Variants in SIRT5 observed in about 807,000 individuals in gnomAD.
The protein encoded by SIRT5 is sirtuin 5.
Under a neutral mutation model 40.0 loss-of-function variants are expected in SIRT5, and 26 were observed. The ratio of observed to expected loss-of-function variants is 0.65; its 90% confidence interval spans 0.48 to 0.90. The LOEUF (loss-of-function observed/expected upper bound fraction) is 0.90. Ranked by LOEUF, SIRT5 falls within the 40% of genes least tolerant of loss-of-function variation. The pLI is 0.00. For missense variants in SIRT5, 401 were observed against 402.4 expected, an observed-to-expected ratio of 1.00 and a Z score of 0.03; for synonymous variants, 146 against 149.1, an observed-to-expected ratio of 0.98 and a Z score of 0.15.
intron 1 of SIRT5, among the ~76,000 whole-genome samples, chr6:13,577,625 A>G (rs1183878066): frequency 6.7e-6 from 1 of 149,100 alleles, no homozygotes; most frequent in Admixed American, 6.7e-5. Flanking sequence ...TAGAAATCTC[A>G]TATATCTTAT....
intron 9 of SIRT5, among the ~76,000 whole-genome samples, chr6:13,606,827 G>A (rs1437506228): frequency 1.3e-5 from 2 of 151,942 alleles, no homozygotes; most frequent in Non-Finnish European, 2.9e-5. Context: ...GATTACAGGC[G>A]TGCACCACCA....
At chr6:13,596,933 ATCTT>A in intron 6 of SIRT5, 26 bp from the exon 7 acceptor site, 1 of 1,555,184 alleles carries the variant, frequency 6.4e-7, no homozygotes, top group Non-Finnish European at 8.8e-7. Context: ...GCCAATAACA[ATCTT>A]TCTTTTCTAA....
chr6:13,576,828 A>G (rs913552838), intron 1 of SIRT5, among the ~76,000 whole-genome samples: 1 of 152,186 alleles, frequency 6.6e-6, no homozygotes, highest in African/African-American at 2.4e-5. Context: ...ATTTTTGTAT[A>G]TGGTGTGAGA....
intron 1 of SIRT5, among the ~76,000 whole-genome samples, chr6:13,576,139 A>G (rs1256764398): frequency 6.6e-6 from 1 of 152,248 alleles, no homozygotes; most frequent in Admixed American, 6.5e-5. Flanking sequence ...TCTCTTCAAC[A>G]TACTGATTTC....
chr6:13,605,865 G>T (rs181282929), intron 9 of SIRT5: 1 of 964,836 alleles, frequency 1.0e-6, no homozygotes, highest in Non-Finnish European at 1.2e-6. Context: ...AGCACCTTTG[G>T]CCCACTGTGC....
chr6:13,590,388 A>G (rs538271606), intron 4 of SIRT5, among the ~76,000 whole-genome samples: 6 of 152,080 alleles, frequency 3.9e-5, no homozygotes, highest in Non-Finnish European at 7.4e-5. Flanking sequence ...TATTTTATCT[A>G]TTCTGTTTAT....
At chr6:13,580,382 GA>G (rs968532013) in intron 2 of SIRT5, among the ~76,000 whole-genome samples, 1 of 151,900 alleles carries the variant, frequency 6.6e-6, no homozygotes, top group Non-Finnish European at 1.5e-5. Flanking sequence ...TATGAGTGTT[GA>G]AAAAAATCAC....
intron 9 of SIRT5, chr6:13,604,584 G>T: frequency 6.4e-7 from 1 of 1,562,890 alleles, no homozygotes; most frequent in Non-Finnish European, 8.6e-7. Context: ...TAAAACTGGA[G>T]TATTTCCACA....
intron 9 of SIRT5, among the ~76,000 whole-genome samples, chr6:13,601,354 C>T (rs191091372): frequency 6.6e-6 from 1 of 152,170 alleles, no homozygotes; most frequent in Admixed American, 6.5e-5. Context: ...GGCAGATACC[C>T]CTTTGGTCTA....
At position 13,584,073 on chromosome 6, in the gene SIRT5, A is replaced by G; in HGVS notation, c.-35-3A>G. On this transcript the variant is annotated splice_region_variant and splice_polypyrimidine_tract_variant and intron_variant, in intron 2 of 9. Transcript: ENST00000606117. ...ACTATTTGTTTTTGTGATTTTTCTAAAGCCCGCCTCAAGCATTAGAACTAC... is the reference window on the plus strand; with the variant it reads ...ACTATTTGTTTTTGTGATTTTTCTAGAGCCCGCCTCAAGCATTAGAACTAC... 1 of 1,473,366 alleles carries G rather than the reference A, an allele frequency of 6.8e-7. No individual in the cohort carries two copies. The highest frequency in any genetic ancestry group is 9.4e-7 in the Non-Finnish European group (1 of 1,059,232). The allele number at this position is 1,473,366 out of a possible 1,614,324, so 91.3% of individuals were successfully genotyped here.
intron 7 of SIRT5, among the ~76,000 whole-genome samples, chr6:13,597,589 A>G (rs1023443895): frequency 3.9e-5 from 6 of 151,944 alleles, no homozygotes; most frequent in Admixed American, 3.3e-4. Flanking sequence ...TCTGTCACCC[A>G]GGCTGGAGTG....
rs200211775 is a variant in SIRT5 at position 13,591,694 on chromosome 6, C to T, written c.275C>T (p.Ala92Val). 6.3e-7 allele frequency: 1 copy of T among 1,597,482 alleles called. No individual in the cohort carries two copies. The highest frequency in any genetic ancestry group is 1.3e-5 in the African/African-American group (1 of 74,652). ...GACCTGGCGACTCCCCTGGCCTTTG[C>T]CCACAACCCGTCCCGGGTGTGGGAG... Reference protein sequence around the residue: ...AQDLATPLAFAHNPSRVWEFY... With the variant: ...AQDLATPLAFVHNPSRVWEFY... Residue 92 changes from alanine to valine, a missense_variant, in exon 5 of 10, where the codon GCC becomes GTC. Transcript: ENST00000606117.
intron 7 of SIRT5, among the ~76,000 whole-genome samples, chr6:13,597,587 C>T (rs1370249206): frequency 6.6e-6 from 1 of 151,488 alleles, no homozygotes; most frequent in Non-Finnish European, 1.5e-5. Context: ...ACTCTGTCAC[C>T]CAGGCTGGAG....
intron 4 of SIRT5, among the ~76,000 whole-genome samples, chr6:13,589,920 C>T (rs1159907415): frequency 6.6e-6 from 1 of 152,152 alleles, no homozygotes; most frequent in Non-Finnish European, 1.5e-5. Context: ...TCCAGGGACG[C>T]CTGTGGACAT....
At chr6:13,590,631 T>C (rs964536998) in intron 4 of SIRT5, among the ~76,000 whole-genome samples, 3 of 151,914 alleles carry the variant, frequency 2.0e-5, no homozygotes, top group Non-Finnish European at 4.4e-5. Context: ...TGTTGTGTAA[T>C]TGTGTATGTT....
At chr6:13,611,298 TTG>T (rs1213516696) in intron 9 of SIRT5, among the ~76,000 whole-genome samples, 4 of 149,138 alleles carry the variant, frequency 2.7e-5, no homozygotes, top group Non-Finnish European at 5.9e-5. Context: ...AAAGTATGTA[TTG>T]TGTCTATATA....
At chr6:13,582,519 CTT>C (rs1476863970) in intron 2 of SIRT5, among the ~76,000 whole-genome samples, 1 of 149,420 alleles carries the variant, frequency 6.7e-6, no homozygotes, top group Non-Finnish European at 1.5e-5. Context: ...AAAATTAACC[CTT>C]TGTTAGTATT....
At chr6:13,604,479 T>G (rs1401604628) in intron 9 of SIRT5, 5 of 1,555,922 alleles carry the variant, frequency 3.2e-6, no homozygotes, top group Non-Finnish European at 3.5e-6. Flanking sequence ...TTTTCAGTCA[T>G]TTGATCTCCA....
rs936005213 is a variant in SIRT5, at chr6:13,605,752, G to C, written c.857+4803G>C. The C allele has an allele frequency of 5.1e-6, 5 of 985,242 alleles. No homozygotes were observed. The African/African-American group carries it at 8.7e-5, about 17-fold the overall frequency. The allele number at this position is 985,242 out of a possible 1,614,324, so 61.0% of individuals were successfully genotyped here. ...TTTTGAATTTAAACCTCAGTGTTTTGACTGTTACTCAACCCCAGGGGGCCT... is the reference window on the plus strand; with the variant it reads ...TTTTGAATTTAAACCTCAGTGTTTTCACTGTTACTCAACCCCAGGGGGCCT... On this transcript the variant is annotated intron_variant, in intron 9 of 9. Transcript: ENST00000606117.
Sources: gnomAD v4.1 joint callset for allele counts (sites outside exome capture counted in the v4.1 genomes callset) on GRCh38, gnomAD v4.1.1 for gene constraint, MANE v1.5 for transcripts, NCBI Gene and HGNC (gene_info 2026-07-23, HGNC 2026-07-21) for gene names.